MTUS2: variants seen among roughly 807,000 people sequenced by gnomAD.
The protein encoded by MTUS2 is microtubule associated scaffold protein 2, also known as microtubule-associated tumor suppressor candidate 2.
MTUS2 carries 40 observed loss-of-function variants against 114.1 expected under a neutral mutation model. The observed-to-expected ratio is 0.35, with a 90% CI of 0.27 to 0.46. MTUS2 has a LOEUF of 0.46. Among genes scored for constraint, MTUS2 ranks in the 20% least tolerant of loss-of-function variants. The probability of loss-of-function intolerance (pLI) is 1.00; values close to 1 mark genes in which losing one functional copy is unlikely to be tolerated. For missense variants in MTUS2, 1,679 were observed against 1,705.4 expected, an observed-to-expected ratio of 0.98 and a Z score of 0.27; for synonymous variants, 688 against 672.0, an observed-to-expected ratio of 1.02 and a Z score of -0.37.
intron 8 of MTUS2, among the ~76,000 whole-genome samples, chr13:29,364,788 A>G (rs1447865684): frequency 3.9e-5 from 6 of 152,210 alleles, no homozygotes; most frequent in Admixed American, 3.9e-4. Flanking sequence ...ATTATACCTT[A>G]TCAGAATTGA....
At chr13:29,074,721 TC>T in intron 4 of MTUS2, among the ~76,000 whole-genome samples, 1 of 152,280 alleles carries the variant, frequency 6.6e-6, no homozygotes, top group South Asian at 2.1e-4. Flanking sequence ...CTGATCTTGT[TC>T]CCAGTTTTCT....
chr13:29,376,598 G>A (rs1362724650), intron 8 of MTUS2, among the ~76,000 whole-genome samples: 3 of 151,918 alleles, frequency 2.0e-5, no homozygotes, highest in Admixed American at 6.6e-5. Context: ...TTTCAACCAG[G>A]GGTGACACAT....
chr13:28,826,051 G>A (rs1296576629), intron 1 of MTUS2, among the ~76,000 whole-genome samples: 1 of 152,116 alleles, frequency 6.6e-6, no homozygotes, highest in Non-Finnish European at 1.5e-5. Context: ...GCTTTTGTAA[G>A]TGGGCCTTCT....
chr13:29,193,213 G>C (rs1044412091), intron 5 of MTUS2, among the ~76,000 whole-genome samples: 4 of 152,186 alleles, frequency 2.6e-5, no homozygotes, highest in African/African-American at 9.6e-5. Flanking sequence ...TATACTTCTT[G>C]TTTTCTTATA....
At chr13:29,131,098 C>T (rs1008828597) in intron 5 of MTUS2, among the ~76,000 whole-genome samples, 8 of 152,192 alleles carry the variant, frequency 5.3e-5, no homozygotes, top group Non-Finnish European at 1.2e-4. Context: ...TTCAATGGGT[C>T]AATTTTTCCA....
chr13:29,290,669 G>A (rs958930501), intron 6 of MTUS2, among the ~76,000 whole-genome samples: 2 of 152,094 alleles, frequency 1.3e-5, no homozygotes, highest in Non-Finnish European at 1.5e-5. Context: ...CACACAACCT[G>A]TTCCCTCTTC....
chr13:29,048,387 A>G (rs1262550954), intron 4 of MTUS2, among the ~76,000 whole-genome samples: 3 of 152,210 alleles, frequency 2.0e-5, no homozygotes, highest in Non-Finnish European at 4.4e-5. Flanking sequence ...TGGGTTGTAT[A>G]ACCCTGCTTG....
chr13:29,321,494 A>G (rs1235360765), intron 6 of MTUS2, among the ~76,000 whole-genome samples: 1 of 152,222 alleles, frequency 6.6e-6, no homozygotes, highest in Non-Finnish European at 1.5e-5. Context: ...GAATTCCCAG[A>G]CCATACAAGA....
chr13:29,477,825 A>G (rs900569187), intron 9 of MTUS2, among the ~76,000 whole-genome samples: 15 of 152,106 alleles, frequency 9.9e-5, no homozygotes, highest in South Asian at 2.1e-4. Flanking sequence ...ACCATTTTTA[A>G]CACCTTGTCT....
chr13:29,330,154 A>G (rs1051483889), intron 7 of MTUS2, among the ~76,000 whole-genome samples: 11 of 152,138 alleles, frequency 7.2e-5, no homozygotes, highest in Admixed American at 5.9e-4. Flanking sequence ...CTGCTGTGAG[A>G]TGGTATCTCA....
intron 2 of MTUS2, among the ~76,000 whole-genome samples, chr13:29,009,809 TACTCATTCATATTTAAGA>T (rs1398379451): frequency 7.2e-5 from 11 of 152,350 alleles, no homozygotes; most frequent in Non-Finnish European, 1.3e-4. Context: ...CATTTTTTGC[TACTCATTCATATTTAAGA>T]ATCAGGCATT....
chr13:29,135,219 G>A (rs1198653071), intron 5 of MTUS2, among the ~76,000 whole-genome samples: 1 of 152,092 alleles, frequency 6.6e-6, no homozygotes, highest in African/African-American at 2.4e-5. Context: ...CAAAAACAGT[G>A]GTTTCAGGCA....
chr13:29,307,929 G>A (rs1899553001), intron 6 of MTUS2: 2 of 516,274 alleles, frequency 3.9e-6, no homozygotes, highest in Non-Finnish European at 7.0e-6. Context: ...AGGGGCCTAG[G>A]GAGCCCCACC....
chr13:29,429,388 A>G (rs9551678), intron 8 of MTUS2, among the ~76,000 whole-genome samples: 28,122 of 152,202 alleles, frequency 0.18, 3,048 homozygotes, highest in East Asian at 0.48. Flanking sequence ...AGCACACAGT[A>G]TAGTTGTTCT....
intron 5 of MTUS2, among the ~76,000 whole-genome samples, chr13:29,167,191 C>T (rs1007658231): frequency 1.3e-5 from 2 of 151,996 alleles, no homozygotes; most frequent in African/African-American, 4.8e-5. Flanking sequence ...TGGCTAACAC[C>T]GTGAAACCTT....
intron 8 of MTUS2, chr13:29,428,727 GA>G: frequency 6.4e-7 from 1 of 1,557,896 alleles, no homozygotes; most frequent in Non-Finnish European, 8.7e-7. Context: ...GAACCACATG[GA>G]AGTTGTGACA....
chr13:28,978,206 G>T lies in MTUS2; in HGVS notation c.-242-46251G>T, dbSNP rs149727494. ...GAATATAGAAAGTTAAGTGAAATAG[G>T]CAAGTGTCTCAACTACCTAGTGGTG... On this transcript the variant is annotated intron_variant, in intron 2 of 15. Transcript: ENST00000612955. 2.4e-3 allele frequency among the ~76,000 whole-genome samples: 370 copies of T among 152,230 alleles called. 1 individual carries two copies. The highest frequency in any genetic ancestry group is 8.1e-3 in the African/African-American group (337 of 41,540).
intron 7 of MTUS2, among the ~76,000 whole-genome samples, chr13:29,353,698 A>G (rs1358719707): frequency 6.6e-6 from 1 of 152,196 alleles, no homozygotes; most frequent in African/African-American, 2.4e-5. Context: ...TTAGGCAGGT[A>G]CTGATCAGCA....
chr13:29,124,875 C>G (rs527608987), intron 5 of MTUS2, among the ~76,000 whole-genome samples: 3 of 152,044 alleles, frequency 2.0e-5, no homozygotes. Context: ...TAGGAGGTAC[C>G]TGGAGTACTC....
Sources: allele counts gnomAD v4.1 joint callset (sites outside exome capture counted in the v4.1 genomes callset), GRCh38; gene constraint gnomAD v4.1.1; transcripts MANE v1.5; gene names NCBI Gene and HGNC (gene_info 2026-07-23, HGNC 2026-07-21).